Variants in STIM1 observed in about 807,000 individuals in gnomAD.
STIM1 encodes the protein stromal interaction molecule 1.
In STIM1, 25 loss-of-function variants were observed where a neutral mutation model predicts 74.7. The ratio of observed to expected loss-of-function variants is 0.33; its 90% CI spans 0.24 to 0.47. The LOEUF (loss-of-function observed/expected upper bound fraction) is 0.47, where lower values mean the gene tolerates loss of function less well. Ranked by LOEUF, STIM1 falls within the 20% of genes least tolerant of loss-of-function variation. The probability of loss-of-function intolerance (pLI) is 1.00; values close to 1 mark genes in which losing one functional copy is unlikely to be tolerated. For synonymous variants in STIM1, 328 were observed against 348.8 expected, an observed-to-expected ratio of 0.94 and a Z score of 0.66; for missense variants, 728 against 920.8, an observed-to-expected ratio of 0.79 and a Z score of 2.71.
intron 2 of STIM1, among the ~76,000 whole-genome samples, chr11:4,001,553 A>G (rs1439040589): frequency 1.3e-5 from 2 of 152,190 alleles, no homozygotes; most frequent in Admixed American, 1.3e-4. Flanking sequence ...TTTTGTCACC[A>G]CCAGGTCTGC....
intron 8 of STIM1, among the ~76,000 whole-genome samples, 170 bp from the exon 9 acceptor site, chr11:4,082,712 C>A (rs528755863): frequency 2.0e-5 from 3 of 152,296 alleles, no homozygotes; most frequent in African/African-American, 7.2e-5. Flanking sequence ...TGTCCCCCTC[C>A]TTTTTCTTCT....
intron 1 of STIM1, among the ~76,000 whole-genome samples, chr11:3,917,693 C>G (rs2092666535): frequency 6.6e-6 from 1 of 152,130 alleles, no homozygotes; most frequent in Non-Finnish European, 1.5e-5. Context: ...CTTGGCCTCT[C>G]AAAGTGTTGG....
intron 3 of STIM1, among the ~76,000 whole-genome samples, chr11:4,048,275 T>G (rs1463797001): frequency 6.6e-6 from 1 of 152,242 alleles, no homozygotes; most frequent in Non-Finnish European, 1.5e-5. Flanking sequence ...TTAAGGTAAA[T>G]AATACATCTT....
At chr11:4,034,085 T>G (rs556705656) in intron 3 of STIM1, among the ~76,000 whole-genome samples, 2 of 151,454 alleles carry the variant, frequency 1.3e-5, no homozygotes, top group East Asian at 4.0e-4. Context: ...AAAAATTAGC[T>G]GGTTGTGGTG....
intron 1 of STIM1, among the ~76,000 whole-genome samples, chr11:3,919,881 C>T (rs1470827095): frequency 1.3e-5 from 2 of 152,174 alleles, no homozygotes; most frequent in Middle Eastern, 3.4e-3. Flanking sequence ...GGTTCAAGAC[C>T]AGCCTGGACA....
intron 1 of STIM1, among the ~76,000 whole-genome samples, chr11:3,919,203 AC>A (rs1468064242): frequency 1.3e-5 from 2 of 152,118 alleles, no homozygotes; most frequent in Admixed American, 1.3e-4. Context: ...CTTAGCCCCA[AC>A]ACCAAACTGT....
chr11:3,957,179 A>C (rs935770964), intron 1 of STIM1, among the ~76,000 whole-genome samples: 15 of 152,192 alleles, frequency 9.9e-5, no homozygotes, highest in African/African-American at 3.4e-4. Flanking sequence ...GCAAAGTCAG[A>C]ATTGCTGTTG....
In STIM1 at chr11:3,894,410, G is replaced by C. The variant is rs545774241; in HGVS notation, c.139+38001G>C. On this transcript the variant is annotated intron_variant, in intron 1 of 12. Transcript: ENST00000526596. ...GGGCGGGAGTCCCAAGGGGTGGAGT[G>C]GGGGGTTCTGCTTTGATGAGCAAAG... is the stretch of plus-strand genomic sequence containing the variant. Among the ~76,000 whole-genome samples, 7 of 152,220 alleles carry C rather than the reference G, an allele frequency of 4.6e-5. No individual in the cohort carries two copies. In the South Asian group the frequency reaches 1.5e-3, roughly 32 times the overall value.
intron 3 of STIM1, among the ~76,000 whole-genome samples, chr11:4,046,505 C>T (rs903492540): frequency 6.6e-6 from 1 of 152,148 alleles, no homozygotes; most frequent in Non-Finnish European, 1.5e-5. Flanking sequence ...AGCTTCAGAG[C>T]TTTCCTTCTG....
In STIM1 at chr11:3,892,368, A is replaced by G. The variant is rs1216659979; in HGVS notation, c.139+35959A>G. The G allele has an allele frequency of 2.3e-6, 3 of 1,303,188 alleles. No individual in the cohort carries two copies. The African/African-American group carries it at 4.3e-5, about 19-fold the overall frequency. 80.7% of individuals were successfully genotyped at this position (1,303,188 alleles called of 1,614,324 possible). A position where few individuals can be genotyped will look rare whatever the true frequency, so the allele number is the denominator to read the frequency against. On this transcript the variant is annotated intron_variant, in intron 1 of 12. Transcript: ENST00000526596. The stretch of plus-strand genomic sequence containing the variant: ...CTACAGAAGGAATGGTCTGGTGGCT[A>G]AGATAAAACACAAGTCAAACTTATT...
At chr11:4,009,276 C>T (rs2093812386) in intron 2 of STIM1, among the ~76,000 whole-genome samples, 2 of 138,352 alleles carry the variant, frequency 1.4e-5, no homozygotes, top group Non-Finnish European at 1.5e-5. Context: ...GCCTGTGCAA[C>T]AGGGAAAGAG....
At chr11:3,988,310 TTTCGTGTAGCCTGCAAA>T (rs1405163767) in intron 2 of STIM1, among the ~76,000 whole-genome samples, 1 of 152,230 alleles carries the variant, frequency 6.6e-6, no homozygotes, top group Non-Finnish European at 1.5e-5. Context: ...AAACTGTTTT[TTTCGTGTAGCCTGCAAA>T]CTAAAAATGA....
chr11:3,969,567 T>A (rs2093372102), intron 2 of STIM1, among the ~76,000 whole-genome samples: 1 of 152,116 alleles, frequency 6.6e-6, no homozygotes, highest in Admixed American at 6.5e-5. Flanking sequence ...AACCAGATAA[T>A]GTTTAAGGAA....
At chr11:4,059,473 G>A in intron 5 of STIM1, 77 bp downstream of exon 5, 1 of 1,243,738 alleles carries the variant, frequency 8.0e-7, no homozygotes, top group Non-Finnish European at 1.2e-6. Flanking sequence ...TAAGGCTAAG[G>A]CTCTGGGTCT....
chr11:3,859,853 G>A (rs2090530436), intron 1 of STIM1, among the ~76,000 whole-genome samples: 1 of 152,212 alleles, frequency 6.6e-6, no homozygotes, highest in African/African-American at 2.4e-5. Flanking sequence ...TAAGCCTGGG[G>A]TAGCCAGGAT....
chr11:4,051,965 GACAA>G (rs908816376), intron 3 of STIM1, among the ~76,000 whole-genome samples: 10 of 152,276 alleles, frequency 6.6e-5, no homozygotes, highest in African/African-American at 2.4e-4. Flanking sequence ...ATCAAGAACA[GACAA>G]ACAGAGAGCC....
chr11:3,953,529 G>A (rs527643833), intron 1 of STIM1, among the ~76,000 whole-genome samples: 2 of 152,190 alleles, frequency 1.3e-5, no homozygotes, highest in African/African-American at 2.4e-5. Context: ...ATAGGACGTG[G>A]TATAGGAAGT....
chr11:4,026,692 C>T (rs1344944174), intron 3 of STIM1, among the ~76,000 whole-genome samples: 1 of 152,126 alleles, frequency 6.6e-6, no homozygotes, highest in Non-Finnish European at 1.5e-5. Flanking sequence ...CTTATGATTA[C>T]AATTTTATTA....
intron 1 of STIM1, among the ~76,000 whole-genome samples, chr11:3,922,222 A>G (rs761961034): frequency 1.3e-5 from 2 of 152,118 alleles, no homozygotes; most frequent in Non-Finnish European, 2.9e-5. Flanking sequence ...GTGAGTGCTA[A>G]CACCACTGTT....
Sources: gnomAD v4.1 joint callset for allele counts (sites outside exome capture counted in the v4.1 genomes callset) on GRCh38, gnomAD v4.1.1 for gene constraint, MANE v1.5 for transcripts, NCBI Gene and HGNC (gene_info 2026-07-23, HGNC 2026-07-21) for gene names.